Variants in TBC1D19 observed in about 807,000 individuals in gnomAD.
TBC1D19 encodes the protein TBC1 domain family member 19, also known as TBC1 domain family, member 19.
Under a neutral mutation model 89.0 loss-of-function variants are expected in TBC1D19, and 60 were observed. That is an observed-to-expected ratio of 0.67 (90% CI 0.55 to 0.84). The LOEUF (loss-of-function observed/expected upper bound fraction) is 0.84. Ranked by LOEUF, TBC1D19 falls within the 40% of genes least tolerant of loss-of-function variation. TBC1D19 has a pLI of 0.00. For missense variants in TBC1D19, 500 were observed against 610.8 expected, an observed-to-expected ratio of 0.82 and a Z score of 1.91; for synonymous variants, 189 against 199.7, an observed-to-expected ratio of 0.95 and a Z score of 0.45.
chr4:26,707,770 A>G (rs1715853143), intron 13 of TBC1D19, among the ~76,000 whole-genome samples: 1 of 151,992 alleles, frequency 6.6e-6, no homozygotes, highest in Non-Finnish European at 1.5e-5. Context: ...CTAAAATTGT[A>G]ACACTCTAGT....
chr4:26,823,186 A>T, the TBC1D19 span, among the ~76,000 whole-genome samples: 1 of 152,242 alleles, frequency 6.6e-6, no homozygotes, highest in Non-Finnish European at 1.5e-5. Context: ...GAGCTTGTGC[A>T]GGAAAACTCC....
intron 7 of TBC1D19, among the ~76,000 whole-genome samples, chr4:26,646,587 A>C (rs1743974111): frequency 6.6e-6 from 1 of 152,228 alleles, no homozygotes; most frequent in African/African-American, 2.4e-5. Context: ...AATAGACTGG[A>C]TTAAAAAAAT....
rs567248743 is a variant in TBC1D19 at position 26,752,631 on chromosome 4, A to G, written c.1436-1189A>G. On this transcript the variant is annotated intron_variant, in intron 19 of 20. Coordinates refer to ENST00000264866, the MANE Select transcript of TBC1D19 (RefSeq NM_018317.4). ...ACTACCATCACTGGTGATGGAGAGA[A>G]AAGGAGATAAGTCAAGAGTTAGCTC... 5.3e-5 allele frequency among the ~76,000 whole-genome samples: 8 copies of G among 152,286 alleles called. No homozygotes were observed. The South Asian group carries it at 1.7e-3, about 32-fold the overall frequency.
chr4:26,722,826 G>A (rs1340110375), intron 15 of TBC1D19, among the ~76,000 whole-genome samples: 1 of 152,124 alleles, frequency 6.6e-6, no homozygotes, highest in Non-Finnish European at 1.5e-5. Context: ...TATGAGGAAG[G>A]TACTAATATT....
chr4:26,658,149 G>T (rs913106312), intron 7 of TBC1D19, among the ~76,000 whole-genome samples: 1 of 152,134 alleles, frequency 6.6e-6, no homozygotes, highest in Non-Finnish European at 1.5e-5. Context: ...TTTAAGACAC[G>T]AAGTCTTTGC....
chr4:26,684,953 C>G (rs1713680538), intron 12 of TBC1D19, among the ~76,000 whole-genome samples: 1 of 152,128 alleles, frequency 6.6e-6, no homozygotes, highest in African/African-American at 2.4e-5. Flanking sequence ...TGCGGAAAAA[C>G]TTGCATTCTG....
At chr4:26,672,666 A>G (rs1712423297) in intron 10 of TBC1D19, among the ~76,000 whole-genome samples, 1 of 151,956 alleles carries the variant, frequency 6.6e-6, no homozygotes, top group Non-Finnish European at 1.5e-5. Flanking sequence ...GTTTTTCCCT[A>G]TCTTTTGAAG....
rs538294481 is a variant in TBC1D19 at position 26,655,664 on chromosome 4, T to C, written c.481-3933T>C. Among the ~76,000 whole-genome samples, 425 of 152,318 alleles carry C rather than the reference T, an allele frequency of 2.8e-3. 1 individual carries two copies. Among genetic ancestry groups the C allele is most frequent in the Non-Finnish European group, 5.2e-3 (355 of 68,034 alleles). ...GTGAGGCTCTGTGGGCATAGGACCC[T>C]CCGAGCCAGGCACGGGATACAATAT... is the stretch of plus-strand genomic sequence containing the variant. On this transcript the variant is annotated intron_variant, in intron 7 of 20. Coordinates refer to ENST00000264866, the MANE Select transcript of TBC1D19 (RefSeq NM_018317.4).
intron 1 of TBC1D19, among the ~76,000 whole-genome samples, chr4:26,590,711 T>A (rs755621245): frequency 7.9e-5 from 12 of 151,866 alleles, no homozygotes; most frequent in Non-Finnish European, 1.8e-4. Context: ...GTGGTACATT[T>A]GTTTCAGTTG....
chr4:26,623,075 C>T (rs1742163761), intron 4 of TBC1D19, among the ~76,000 whole-genome samples: 1 of 152,084 alleles, frequency 6.6e-6, no homozygotes, highest in South Asian at 2.1e-4. Flanking sequence ...TGTTTAGCTC[C>T]CTATTTTGGG....
chr4:26,601,943 C>T (rs1477508517), intron 1 of TBC1D19, among the ~76,000 whole-genome samples: 1 of 152,080 alleles, frequency 6.6e-6, no homozygotes, highest in African/African-American at 2.4e-5. Context: ...TAGGAGGTAC[C>T]TCTGTTGTGA....
intron 1 of TBC1D19, among the ~76,000 whole-genome samples, chr4:26,595,158 T>G (rs1490229015): frequency 6.6e-6 from 1 of 152,230 alleles, no homozygotes; most frequent in African/African-American, 2.4e-5. Flanking sequence ...GATATCTTAT[T>G]ATTTTAATTT....
chr4:26,593,582 T>G (rs1392628052), intron 1 of TBC1D19, among the ~76,000 whole-genome samples: 7 of 152,094 alleles, frequency 4.6e-5, no homozygotes, highest in African/African-American at 1.7e-4. Flanking sequence ...ATTTTTGCAA[T>G]CTACTCATCT....
intron 3 of TBC1D19, among the ~76,000 whole-genome samples, chr4:26,615,562 A>G (rs79861717): frequency 0.04 from 6,148 of 152,166 alleles, 150 homozygotes; most frequent in Non-Finnish European, 0.067. Context: ...TTAACTGGGA[A>G]ATGACATAAT....
chr4:26,784,573 A>G, the TBC1D19 span, among the ~76,000 whole-genome samples: 6 of 152,138 alleles, frequency 3.9e-5, no homozygotes, highest in African/African-American at 1.2e-4. Context: ...AATCCACCCA[A>G]TTGCCCATCA....
At chr4:26,735,299 CTT>C (rs1560504294) in intron 15 of TBC1D19, among the ~76,000 whole-genome samples, 154 bp from the exon 16 acceptor site, 1 of 151,846 alleles carries the variant, frequency 6.6e-6, no homozygotes, top group Non-Finnish European at 1.5e-5. Flanking sequence ...AAAAATATCT[CTT>C]TATTGTTTAC....
chr4:26,790,654 A>G, the TBC1D19 span, among the ~76,000 whole-genome samples: 1 of 152,238 alleles, frequency 6.6e-6, no homozygotes. Context: ...CCAAGATAAT[A>G]TTAAATTTTA....
chr4:26,836,554 C>G, the TBC1D19 span, among the ~76,000 whole-genome samples: 1 of 152,200 alleles, frequency 6.6e-6, no homozygotes, highest in South Asian at 2.1e-4. Context: ...GAGGTACGAA[C>G]AGGTGTCTGA....
the TBC1D19 span, among the ~76,000 whole-genome samples, chr4:26,813,629 G>T: frequency 2.6e-5 from 4 of 152,184 alleles, no homozygotes; most frequent in Non-Finnish European, 5.9e-5. Context: ...CTTCAGATAA[G>T]GTACTGTGGG....
Sources: gnomAD v4.1 joint callset for allele counts (sites outside exome capture counted in the v4.1 genomes callset) on GRCh38, gnomAD v4.1.1 for gene constraint, MANE v1.5 for transcripts, NCBI Gene and HGNC (gene_info 2026-07-23, HGNC 2026-07-21) for gene names.